The following ATRN variants were observed in gnomAD, a reference collection of about 807,000 sequenced individuals.
ATRN encodes the protein attractin.
A neutral mutation model predicts 178.7 loss-of-function variants in ATRN; 54 were observed. That is an observed-to-expected ratio of 0.30 (90% CI 0.24 to 0.38). ATRN has a LOEUF of 0.38. Among genes scored for constraint, ATRN ranks in the 10% least tolerant of loss-of-function variants. ATRN has a pLI of 1.00. For synonymous variants in ATRN, 636 were observed against 663.0 expected, an observed-to-expected ratio of 0.96 and a Z score of 0.63; for missense variants, 1,443 against 1,815.1, an observed-to-expected ratio of 0.79 and a Z score of 3.73.
intron 22 of ATRN, among the ~76,000 whole-genome samples, chr20:3,599,278 G>A (rs1411359882): frequency 6.6e-6 from 1 of 152,042 alleles, no homozygotes; most frequent in Non-Finnish European, 1.5e-5. Flanking sequence ...TGCCTCATAA[G>A]CAAGCGTTTG....
chr20:3,607,680 A>G (rs2086694093), intron 24 of ATRN, among the ~76,000 whole-genome samples: 1 of 152,160 alleles, frequency 6.6e-6, no homozygotes, highest in Non-Finnish European at 1.5e-5. Flanking sequence ...GCTGTGATAA[A>G]CATTTAGAGC....
At chr20:3,547,892 C>T (rs1358310082) in intron 5 of ATRN, among the ~76,000 whole-genome samples, 1 of 128,182 alleles carries the variant, frequency 7.8e-6, no homozygotes, top group Non-Finnish European at 1.7e-5. Flanking sequence ...TAATAGTTAT[C>T]TACAGAAATA....
In ATRN at chr20:3,549,190, G is replaced by C; in HGVS notation, c.964G>C (p.Val322Leu). The part of the protein sequence containing the change: ...DWQGPGCSVP[V>L]PANQSFWTRE... ...ATTAGGTCCTGGATGTTCAGTTCCT[G>C]TACCAGCTAACCAGTCATTTTGGAC... The change falls in exon 6 of 29, where the codon GTA becomes CTA. Residue 322 changes from valine (V) to leucine (L), a missense_variant. Around this residue, in one of 4 missense-constraint regions of ATRN, gnomAD observed 862 missense variants for 972.1 expected, o/e 0.89. Transcript: ENST00000262919. 1 of 1,609,022 alleles carries C rather than the reference G, an allele frequency of 6.2e-7. No homozygotes were observed. The highest frequency in any genetic ancestry group is 1.7e-4 in the Middle Eastern group (1 of 6,056).
intron 8 of ATRN, among the ~76,000 whole-genome samples, 184 bp downstream of exon 8, chr20:3,561,089 G>C (rs6115942): frequency 6.6e-6 from 1 of 152,172 alleles, no homozygotes; most frequent in African/African-American, 2.4e-5. Context: ...GGGAGGCTGA[G>C]GCGGGCGGAT....
chr20:3,623,700 A>G (rs1274843599), intron 24 of ATRN, among the ~76,000 whole-genome samples: 2 of 152,206 alleles, frequency 1.3e-5, no homozygotes, highest in Non-Finnish European at 2.9e-5. Flanking sequence ...GCAGCGCACC[A>G]CAACATCTGG....
At chr20:3,554,536 A>G (rs1216025577) in intron 6 of ATRN, among the ~76,000 whole-genome samples, 4 of 151,774 alleles carry the variant, frequency 2.6e-5, no homozygotes, top group Admixed American at 1.3e-4. Flanking sequence ...GGGTTTCACC[A>G]TGTTAGCCAG....
chr20:3,471,279 C>A lies in ATRN; in HGVS notation c.172C>A (p.Arg58=), dbSNP rs1415665029. 6.8e-7 allele frequency: 1 copy of A among 1,462,540 alleles called. No homozygotes were observed. The highest frequency in any genetic ancestry group is 2.5e-5 in the Admixed American group (1 of 39,532). 90.6% of individuals were successfully genotyped at this position (1,462,540 alleles called of 1,614,324 possible). The change falls in exon 1 of 29, where the codon CGG becomes AGG. Residue 58 remains arginine, a synonymous_variant. Transcript: ENST00000262919. ...CCCGCGGCTGCTGTCTCCACCGCTG[C>A]GGCCACGGCTGCTGCTGCTGCTGTT... ...RLPRLLSPPL[R]PRLLLLLLLL... is the part of the protein sequence containing the mutation.
intron 1 of ATRN, among the ~76,000 whole-genome samples, chr20:3,504,815 A>C (rs2085018083): frequency 6.6e-6 from 1 of 151,880 alleles, no homozygotes; most frequent in Admixed American, 6.6e-5. Flanking sequence ...TCTAACACTG[A>C]AGATGATGAT....
chr20:3,547,445 A>C lies in ATRN; in HGVS notation c.899A>C (p.Asn300Thr), dbSNP rs138628890. The change falls in exon 5 of 29, where the codon AAT becomes ACT. Residue 300 changes from asparagine (N) to threonine (T), a missense_variant. This residue lies in a region of ATRN where 862 missense variants were observed against 972.1 expected (regional missense o/e 0.89). Coordinates refer to ENST00000262919, the MANE Select transcript of ATRN (RefSeq NM_139321.3). ...NCGFPHRGIC[N>T]SSDVRGCSCF... ...GGTTTTCCTCATCGAGGCATCTGCA[A>C]TTCAAGTGATGTCAGAGGATGCTCC... is the stretch of plus-strand genomic sequence containing the variant. 1.2e-4 allele frequency: 199 copies of C among 1,614,040 alleles called. No individual in the cohort carries two copies. Among genetic ancestry groups the C allele is most frequent in the Non-Finnish European group, 1.6e-4 (189 of 1,180,022 alleles).
intron 1 of ATRN, among the ~76,000 whole-genome samples, chr20:3,527,666 CA>C (rs1325073786): frequency 2.2e-4 from 33 of 152,308 alleles, no homozygotes; most frequent in Non-Finnish European, 4.4e-4. Context: ...GACTTGGAAC[CA>C]ACCCAAATGC....
At chr20:3,471,637 C>T (rs2084425268) in intron 1 of ATRN, 120 bp downstream of exon 1, 1 of 1,271,770 alleles carries the variant, frequency 7.9e-7, no homozygotes, top group Non-Finnish European at 1.0e-6. Context: ...TAGGGCCGCC[C>T]TATGGGGTTT....
At chr20:3,531,690 A>G (rs1180554597) in intron 1 of ATRN, among the ~76,000 whole-genome samples, 3 of 152,194 alleles carry the variant, frequency 2.0e-5, no homozygotes, top group Non-Finnish European at 2.9e-5. Context: ...AACCATGCCT[A>G]TATCATAGGC....
rs1237587923 is a variant in ATRN, at chr20:3,645,821, A to G, written c.4166-902A>G. Among the ~76,000 whole-genome samples the G allele has an allele frequency of 1.3e-5, 2 of 151,040 alleles. No homozygotes were observed. The highest frequency in any genetic ancestry group is 4.9e-5 in the African/African-American group (2 of 40,946). On this transcript the variant is annotated intron_variant, in intron 28 of 28. Transcript: ENST00000262919. The surrounding 1 kb of genome is among the most constrained non-coding windows in gnomAD (Gnocchi z 4.7). ...ACGCTCCACTAACACAACTCCTGGCAGGTCTCAGCAGAGCTCCGAGCCTGC... is the reference window on the plus strand; with the variant it reads ...ACGCTCCACTAACACAACTCCTGGCGGGTCTCAGCAGAGCTCCGAGCCTGC...
chr20:3,590,983 A>G (rs1034281019), intron 18 of ATRN, among the ~76,000 whole-genome samples, 186 bp from the exon 19 acceptor site: 9 of 152,120 alleles, frequency 5.9e-5, no homozygotes, highest in Non-Finnish European at 1.2e-4. Context: ...TACATTTTCA[A>G]TTTTCCTGGA....
chr20:3,506,091 C>T (rs919501716), intron 1 of ATRN, among the ~76,000 whole-genome samples: 1 of 152,108 alleles, frequency 6.6e-6, no homozygotes, highest in Non-Finnish European at 1.5e-5. Flanking sequence ...TACACACACA[C>T]ACAAATGAGT....
At chr20:3,544,448 C>T (rs1228445866) in intron 3 of ATRN, among the ~76,000 whole-genome samples, 2 of 152,016 alleles carry the variant, frequency 1.3e-5, no homozygotes, top group East Asian at 3.8e-4. Flanking sequence ...GGTTGTGTGT[C>T]TGGGACAGAT....
Position 3,638,735 on chromosome 20 carries a change from C to A in ATRN, c.3943-93C>A. On this transcript the variant is annotated intron_variant, in intron 26 of 28. Transcript: ENST00000262919. This position sits in a 1 kb window ranked among gnomAD's most constrained non-coding sequence, Gnocchi z 4.5. ...CATTTTGGACTTGATTTGTTTGAAT[C>A]AGGGAGGATGAGGTGTTTTTAACAT... is the stretch of plus-strand genomic sequence containing the variant. The A allele has an allele frequency of 2.0e-6, 2 of 1,018,508 alleles. No individual in the cohort carries two copies. Among genetic ancestry groups the A allele is most frequent in the Non-Finnish European group, 2.9e-6 (2 of 681,532 alleles). 63.1% of individuals were successfully genotyped at this position (1,018,508 alleles called of 1,614,324 possible).
At chr20:3,506,490 G>A (rs1278007609) in intron 1 of ATRN, among the ~76,000 whole-genome samples, 3 of 152,086 alleles carry the variant, frequency 2.0e-5, no homozygotes, top group African/African-American at 4.8e-5. Context: ...TGGGCGTGGT[G>A]GCAGGTGCCT....
At chr20:3,518,657 ATC>A (rs2085239560) in intron 1 of ATRN, among the ~76,000 whole-genome samples, 1 of 152,134 alleles carries the variant, frequency 6.6e-6, no homozygotes, top group Non-Finnish European at 1.5e-5. Context: ...AGGGTTAATA[ATC>A]TCTCTACTGA....
Sources: allele counts gnomAD v4.1 joint callset (sites outside exome capture counted in the v4.1 genomes callset), GRCh38; gene constraint gnomAD v4.1.1; regional missense constraint gnomAD v4.1.1; non-coding constraint Gnocchi (gnomAD v3.1); transcripts MANE v1.5; gene names NCBI Gene and HGNC (gene_info 2026-07-23, HGNC 2026-07-21).